Variants in PTAFR observed in about 807,000 individuals in gnomAD.
PTAFR encodes the protein platelet activating factor receptor.
In PTAFR, 8 loss-of-function variants were observed where a neutral mutation model predicts 14.7. That is an observed-to-expected ratio of 0.54 (90% CI 0.32 to 0.98). PTAFR has a LOEUF of 0.98. Among genes scored for constraint, PTAFR ranks in the 50% least tolerant of loss-of-function variants. The probability of loss-of-function intolerance (pLI) is 0.04; values close to 1 mark genes in which losing one functional copy is unlikely to be tolerated. For synonymous variants in PTAFR, 156 were observed against 176.5 expected, an observed-to-expected ratio of 0.88 and a Z score of 0.92; for missense variants, 337 against 451.2, an observed-to-expected ratio of 0.75 and a Z score of 2.29.
chr1:28,172,142 A>G (rs975891973), intron 1 of PTAFR, among the ~76,000 whole-genome samples: 1 of 152,122 alleles, frequency 6.6e-6, no homozygotes, highest in Non-Finnish European at 1.5e-5. Context: ...CAGCCTTCCA[A>G]GTAGCTGGGA....
chr1:28,162,659 C>G (rs1030730487), intron 1 of PTAFR, among the ~76,000 whole-genome samples: 1 of 151,756 alleles, frequency 6.6e-6, no homozygotes, highest in African/African-American at 2.4e-5. Context: ...AACCCCCTCT[C>G]TAATAAAACT....
intron 1 of PTAFR, among the ~76,000 whole-genome samples, chr1:28,190,002 C>T (rs1358255068): frequency 6.8e-6 from 1 of 147,762 alleles, no homozygotes; most frequent in Non-Finnish European, 1.5e-5. Flanking sequence ...GAGTTTTGCT[C>T]TTGTTCGTTG....
At chr1:28,156,134 G>T (rs1646260568) in intron 1 of PTAFR, among the ~76,000 whole-genome samples, 3 of 151,726 alleles carry the variant, frequency 2.0e-5, no homozygotes, top group Non-Finnish European at 2.9e-5. Context: ...GTGGTGGCAG[G>T]CACCTATAAT....
At chr1:28,155,580 G>A (rs1424325278) in intron 1 of PTAFR, among the ~76,000 whole-genome samples, 1 of 152,118 alleles carries the variant, frequency 6.6e-6, no homozygotes, top group African/African-American at 2.4e-5. Context: ...GCTTTAGGGA[G>A]GTCTTCAATG....
At chr1:28,188,374 A>C (rs1646623478) in intron 1 of PTAFR, among the ~76,000 whole-genome samples, 1 of 152,220 alleles carries the variant, frequency 6.6e-6, no homozygotes, top group African/African-American at 2.4e-5. Flanking sequence ...TGAGCCCAAG[A>C]GGCAGAGGTT....
rs575888730 is a variant in PTAFR, at chr1:28,171,132, G to A, written c.-39+5460C>T. Among the ~76,000 whole-genome samples the A allele has an allele frequency of 6.6e-5, 10 of 152,198 alleles. No homozygotes were observed. The South Asian group carries it at 2.1e-3, about 32-fold the overall frequency. ...GAGGTCAGGAGTTCAAGACTGGCCT[G>A]GCCAACATGACGAAACCCCATATCT... is the stretch of plus-strand genomic sequence containing the variant. On this transcript the variant is annotated intron_variant, in intron 1 of 1. Transcript: ENST00000373857.
chr1:28,182,269 G>A (rs998558876), intron 1 of PTAFR, among the ~76,000 whole-genome samples: 20 of 151,796 alleles, frequency 1.3e-4, no homozygotes, highest in Non-Finnish European at 5.9e-5. Flanking sequence ...CTGGGAGGCA[G>A]AGATTTCAGT....
intron 1 of PTAFR, among the ~76,000 whole-genome samples, chr1:28,181,862 C>G (rs1434332416): frequency 6.6e-6 from 1 of 152,128 alleles, no homozygotes; most frequent in Non-Finnish European, 1.5e-5. Context: ...ATAATCCCAG[C>G]ACCTTGAGAG....
chr1:28,180,503 T>G (rs1646553704), upstream of PTAFR, among the ~76,000 whole-genome samples: 1 of 152,196 alleles, frequency 6.6e-6, no homozygotes, highest in South Asian at 2.1e-4. Context: ...CACCGCCAGT[T>G]GGCTGACCCC....
intron 1 of PTAFR, among the ~76,000 whole-genome samples, chr1:28,164,114 C>A (rs575930482): frequency 2.6e-5 from 4 of 152,276 alleles, no homozygotes; most frequent in African/African-American, 9.6e-5. Context: ...AAGGGGTTCT[C>A]ATCCATAGCT....
intron 1 of PTAFR, among the ~76,000 whole-genome samples, chr1:28,169,710 C>G (rs1039348142): frequency 2.0e-5 from 3 of 151,872 alleles, no homozygotes; most frequent in African/African-American, 7.2e-5. Context: ...GTATAAAGTC[C>G]TTATCAGGGC....
At chr1:28,152,634 T>G (rs1203384197) in intron 1 of PTAFR, among the ~76,000 whole-genome samples, 2 of 152,088 alleles carry the variant, frequency 1.3e-5, no homozygotes, top group Non-Finnish European at 2.9e-5. Flanking sequence ...TCCCAGCTAC[T>G]TGGGAGGCTG....
At chr1:28,171,474 G>A (rs372672145) in intron 1 of PTAFR, among the ~76,000 whole-genome samples, 1 of 152,032 alleles carries the variant, frequency 6.6e-6, no homozygotes, top group Admixed American at 6.6e-5. Flanking sequence ...TGACCTGGCC[G>A]TGCCGACCAC....
At chr1:28,173,194 T>C (rs1646471001) in intron 1 of PTAFR, among the ~76,000 whole-genome samples, 2 of 140,250 alleles carry the variant, frequency 1.4e-5, no homozygotes, top group East Asian at 4.2e-4. Flanking sequence ...TGGCTAAAGC[T>C]GGAGGATAGC....
intron 1 of PTAFR, among the ~76,000 whole-genome samples, chr1:28,174,339 AAG>A (rs978116157): frequency 2.6e-5 from 4 of 151,966 alleles, no homozygotes; most frequent in Admixed American, 2.0e-4. Flanking sequence ...GCCACCAAGA[AAG>A]AGAATGCCAT....
chr1:28,182,846 A>T (rs1646573261), intron 1 of PTAFR, among the ~76,000 whole-genome samples: 1 of 152,044 alleles, frequency 6.6e-6, no homozygotes, highest in South Asian at 2.1e-4. Context: ...ATCCCTGGCT[A>T]ATTTTTGTAT....
intron 1 of PTAFR, among the ~76,000 whole-genome samples, chr1:28,167,950 C>CTTTT (rs33965504): frequency 5.2e-5 from 2 of 38,148 alleles, no homozygotes; most frequent in Non-Finnish European, 8.6e-5. Context: ...AAAACCAGAT[C>CTTTT]TTTTTTTTTT....
chr1:28,151,073 C>T lies in PTAFR; in HGVS notation c.-38-14G>A. On this transcript the variant is annotated splice_polypyrimidine_tract_variant and intron_variant, in intron 1 of 1. Transcript: ENST00000373857. ...TCCTGGTGGTGCCTGGAAGACCACA[C>T]AAAAATTCTGGTTAATAAAGGGACA... is the stretch of plus-strand genomic sequence containing the variant. 6.9e-7 allele frequency: 1 copy of T among 1,446,818 alleles called. No individual in the cohort carries two copies. The highest frequency in any genetic ancestry group is 2.3e-5 in the East Asian group (1 of 43,816). 89.6% of individuals were successfully genotyped at this position (1,446,818 alleles called of 1,614,324 possible).
intron 1 of PTAFR, among the ~76,000 whole-genome samples, chr1:28,158,962 G>C (rs2148995712): frequency 6.6e-6 from 1 of 152,324 alleles, no homozygotes; most frequent in South Asian, 2.1e-4. Context: ...AGAGCCGATG[G>C]AGGGAAATGG....
Sources: allele counts gnomAD v4.1 joint callset (sites outside exome capture counted in the v4.1 genomes callset), GRCh38; gene constraint gnomAD v4.1.1; transcripts MANE v1.5; gene names NCBI Gene and HGNC (gene_info 2026-07-23, HGNC 2026-07-21).